The following EEF1A2 variants were observed in gnomAD, a reference collection of about 807,000 sequenced individuals.
EEF1A2 encodes the protein eukaryotic translation elongation factor 1 alpha 2.
A neutral mutation model predicts 39.3 loss-of-function variants in EEF1A2; 5 were observed. The ratio of observed to expected loss-of-function variants is 0.13; its 90% CI spans 0.07 to 0.27. The LOEUF is 0.27. EEF1A2 is among the 10% of genes least tolerant of loss of function. The probability of loss-of-function intolerance (pLI) is 1.00; values close to 1 mark genes in which losing one functional copy is unlikely to be tolerated. For synonymous variants in EEF1A2, 287 were observed against 293.7 expected (o/e 0.98, Z 0.23); for missense variants, 218 against 681.4 (o/e 0.32, Z 7.57).
chr20:63,494,593 G>A (rs2082407960), intron 4 of EEF1A2, among the ~76,000 whole-genome samples: 1 of 152,258 alleles, frequency 6.6e-6, no homozygotes, highest in Non-Finnish European at 1.5e-5. Context: ...AGCCGCGTGG[G>A]AGGCTGAGTG....
intron 5 of EEF1A2, among the ~76,000 whole-genome samples, chr20:63,492,460 GGATGGATGGAGA>G (rs2082390807): frequency 6.7e-6 from 1 of 149,546 alleles, no homozygotes; most frequent in African/African-American, 2.5e-5. Context: ...ATGGATGGAT[GGATGGATGGAGA>G]GATGGATGGA....
At position 63,490,567 on chromosome 20, in the gene EEF1A2, T is replaced by G; in HGVS notation, c.941A>C (p.Asn314Thr). The change falls in exon 6 of 8, where the codon AAC becomes ACC. Residue 314 changes from asparagine to threonine, a missense_variant. Coordinates refer to ENST00000217182, the MANE Select transcript of EEF1A2 (RefSeq NM_001958.5). ...PGDNVGFNVK[N>T]VSVKDIRRGN... ...CCGCCGGATGTCCTTCACCGACACG[T>G]TCTTCACATTGAAGCCGACGTTGTC... The G allele has an allele frequency of 6.2e-7, 1 of 1,612,768 alleles. No homozygotes were observed. Among genetic ancestry groups the G allele is most frequent in the Non-Finnish European group, 8.5e-7 (1 of 1,179,950 alleles).
rs1269348046 is a variant in EEF1A2 at position 63,488,141 on chromosome 20, C to T, written c.*157G>A. ...GACCTTGATGGCGAGCATCCAGTCG[C>T]TGACCGAGGGCCTCTGGCAAGCGGA... On this transcript the variant is annotated 3_prime_UTR_variant, in exon 8 of 8. Transcript: ENST00000217182. The T allele has an allele frequency of 6.5e-6, 2 of 308,434 alleles. No individual in the cohort carries two copies. Among genetic ancestry groups the T allele is most frequent in the East Asian group, 3.4e-4 (2 of 5,814 alleles). The allele number at this position is 308,434 out of a possible 1,614,324, so 19.1% of individuals were successfully genotyped here.
intron 5 of EEF1A2, among the ~76,000 whole-genome samples, chr20:63,491,829 G>C (rs1377544030): frequency 2.6e-5 from 4 of 151,248 alleles, no homozygotes; most frequent in Non-Finnish European, 2.9e-5. Context: ...AGGATGGATG[G>C]GTAGGAAGGT....
In EEF1A2 at chr20:63,497,788, C is replaced by T. The variant is rs60257456; in HGVS notation, c.-25G>A. 1.6e-3 allele frequency: 2,592 copies of T among 1,604,498 alleles called. 10 individuals carry two copies. The highest frequency in any genetic ancestry group is 0.012 in the African/African-American group (900 of 74,828). ...TTTTGCTGGGAGTGTGAGGGGCTGGCGGGACCCGGGGTGCTCTGGCTCAGG... is the reference window on the plus strand; with the variant it reads ...TTTTGCTGGGAGTGTGAGGGGCTGGTGGGACCCGGGGTGCTCTGGCTCAGG... On this transcript the variant is annotated 5_prime_UTR_variant, in exon 2 of 8. Coordinates refer to ENST00000217182, the MANE Select transcript of EEF1A2 (RefSeq NM_001958.5). This position sits in a 1 kb window ranked among gnomAD's most constrained non-coding sequence, Gnocchi z 7.3.
At chr20:63,490,447 G>T in intron 6 of EEF1A2, 32 bp downstream of exon 6, 6 of 1,589,798 alleles carry the variant, frequency 3.8e-6, no homozygotes, top group Non-Finnish European at 5.2e-6. Context: ...TCCAGCAGGC[G>T]CCAGCCCCCT....
At chr20:63,489,961 C>G (rs310606) in intron 6 of EEF1A2, 151,673 of 157,028 alleles carry the variant, frequency 0.97, 73,488 homozygotes, top group African/African-American at 0.99. Flanking sequence ...GACAGACCCG[C>G]GATTGCACAC....
chr20:63,488,755 T>A (rs2082365085), intron 7 of EEF1A2, among the ~76,000 whole-genome samples, 163 bp downstream of exon 7: 1 of 152,116 alleles, frequency 6.6e-6, no homozygotes, highest in Non-Finnish European at 1.5e-5. Context: ...TCACCTGCAC[T>A]CAGTGACACG....
At chr20:63,491,979 T>TGC (rs2082384337) in intron 5 of EEF1A2, among the ~76,000 whole-genome samples, 1 of 126,712 alleles carries the variant, frequency 7.9e-6, no homozygotes, top group Non-Finnish European at 1.6e-5. Context: ...GATGGATGGA[T>TGC]GGATGGATGG....
chr20:63,488,350 C>A lies in EEF1A2; in HGVS notation c.1340G>T (p.Gly447Val). ...CGCCGACTTGGTGACCTTGCCGGCG[C>A]CGCCGCTCTTCTTCTCCACGTTCTT... The part of the protein sequence containing the change: ...VIKNVEKKSG[G>V]AGKVTKSAQK... The change falls in exon 8 of 8, where the codon GGC becomes GTC. Residue 447 changes from glycine to valine, a missense_variant. By Grantham distance (109) the Gly-to-Val change is moderately radical. Transcript: ENST00000217182. 6.8e-7 allele frequency: 1 copy of A among 1,472,516 alleles called. No individual in the cohort carries two copies. The highest frequency in any genetic ancestry group is 9.0e-7 in the Non-Finnish European group (1 of 1,112,736). 91.2% of individuals were successfully genotyped at this position (1,472,516 alleles called of 1,614,324 possible).
rs1741616 is a variant in EEF1A2 at position 63,498,213 on chromosome 20, C to A, written c.-71-379G>T. 53,429 of 152,848 alleles carry A rather than the reference C, an allele frequency of 0.35. 10,226 individuals carry two copies. The highest frequency in any genetic ancestry group is 0.5 in the African/African-American group (20,704 of 41,448). 9.5% of individuals were successfully genotyped at this position (152,848 alleles called of 1,614,324 possible). On this transcript the variant is annotated intron_variant, in intron 1 of 7. Coordinates refer to ENST00000217182, the MANE Select transcript of EEF1A2 (RefSeq NM_001958.5). This position sits in a 1 kb window ranked among gnomAD's most constrained non-coding sequence, Gnocchi z 4.1. ...CAGCGCTCCAGGGCCCTGTCCTGCA[C>A]GCGCACTCCCCTCCCCGGCGGCAGG...
intron 2 of EEF1A2, chr20:63,496,375 T>A: frequency 3.2e-6 from 1 of 311,902 alleles, no homozygotes; most frequent in Non-Finnish European, 6.0e-6. Flanking sequence ...TATCTGAAGC[T>A]GCGGACGCCC....
intron 7 of EEF1A2, 131 bp from the exon 8 acceptor site, chr20:63,488,556 C>G (rs1453699109): frequency 8.1e-7 from 1 of 1,238,138 alleles, no homozygotes; most frequent in African/African-American, 1.6e-5. Context: ...GAGCGCGCCC[C>G]TGTGAAGACG....
chr20:63,494,169 G>T (rs1314504151), intron 4 of EEF1A2, among the ~76,000 whole-genome samples: 1 of 152,244 alleles, frequency 6.6e-6, no homozygotes, highest in Non-Finnish European at 1.5e-5. Flanking sequence ...GAGCCTAGTG[G>T]TGGCCATTCT....
At position 63,490,904 on chromosome 20, in the gene EEF1A2, AG is replaced by A. The variant is rs77467883; in HGVS notation, c.773-170del. Among the ~76,000 whole-genome samples the A allele has an allele frequency of 0.26, 40,290 of 152,136 alleles. 6,226 individuals are homozygous for A. Among genetic ancestry groups the A allele is most frequent in the Middle Eastern group, 0.47 (138 of 294 alleles). The stretch of plus-strand genomic sequence containing the variant: ...TGCAGGGGAAGGGAGGCCAGGGACA[AG>A]GGCAGACACAGAGATTCCAAGGGAA... On this transcript the variant is annotated intron_variant, in intron 5 of 7. Coordinates refer to ENST00000217182, the MANE Select transcript of EEF1A2 (RefSeq NM_001958.5).
chr20:63,494,705 G>A, intron 4 of EEF1A2, 100 bp downstream of exon 4: 1 of 1,444,380 alleles, frequency 6.9e-7, no homozygotes, highest in Non-Finnish European at 9.2e-7. Flanking sequence ...ATTTCCCGGG[G>A]ACAGGCCCTC....
At chr20:63,491,820 G>A (rs1170223946) in intron 5 of EEF1A2, among the ~76,000 whole-genome samples, 1 of 150,950 alleles carries the variant, frequency 6.6e-6, no homozygotes, top group Non-Finnish European at 1.5e-5. Flanking sequence ...ATGGACAGAA[G>A]GATGGATGGG....
Position 63,497,914 on chromosome 20 carries a change from GCTGGACAGGCATCC to G in EEF1A2, c.-71-94_-71-81del, listed in dbSNP as rs2082425761. On this transcript the variant is annotated intron_variant, in intron 1 of 7. Coordinates refer to ENST00000217182, the MANE Select transcript of EEF1A2 (RefSeq NM_001958.5). The surrounding 1 kb of genome is among the most constrained non-coding windows in gnomAD (Gnocchi z 7.3). Reference sequence around the variant, plus strand: ...ACCAGCAGAGACTGTCCTGGCACAGGCTGGACAGGCATCCCTGCCCACAAACCAAGCCCCCATGT... The same window carrying G: ...ACCAGCAGAGACTGTCCTGGCACAGGCTGCCCACAAACCAAGCCCCCATGT... 9.4e-7 allele frequency: 1 copy of G among 1,064,454 alleles called. No individual in the cohort carries two copies. Among genetic ancestry groups the G allele is most frequent in the African/African-American group, 1.6e-5 (1 of 62,472 alleles). 65.9% of individuals were successfully genotyped at this position (1,064,454 alleles called of 1,614,324 possible). A position where few individuals can be genotyped will look rare whatever the true frequency, so the allele number is the denominator to read the frequency against.
At chr20:63,493,609 C>T (rs2082401993) in intron 4 of EEF1A2, among the ~76,000 whole-genome samples, 2 of 152,234 alleles carry the variant, frequency 1.3e-5, no homozygotes, top group Admixed American at 1.3e-4. Context: ...CCCTGACCAT[C>T]AGCTCCAGGC....
Sources: allele counts gnomAD v4.1 joint callset (sites outside exome capture counted in the v4.1 genomes callset), GRCh38; gene constraint gnomAD v4.1.1; non-coding constraint Gnocchi (gnomAD v3.1); transcripts MANE v1.5; gene names NCBI Gene and HGNC (gene_info 2026-07-23, HGNC 2026-07-21).